SPATA13: variants seen among roughly 807,000 people sequenced by gnomAD.
SPATA13 encodes the protein spermatogenesis-associated protein 13.
SPATA13 carries 50 observed loss-of-function variants against 104.0 expected under a neutral mutation model. The observed-to-expected ratio is 0.48, with a 90% CI of 0.38 to 0.61. The LOEUF (loss-of-function observed/expected upper bound fraction) is 0.61. Among genes scored for constraint, SPATA13 ranks in the 20% least tolerant of loss-of-function variants. The pLI, the probability that SPATA13 is intolerant of heterozygous loss-of-function variation, is 0.00. For synonymous variants in SPATA13, 606 were observed against 667.5 expected, an observed-to-expected ratio of 0.91 and a Z score of 1.42; for missense variants, 1,524 against 1,690.6, an observed-to-expected ratio of 0.90 and a Z score of 1.73.
chr13:24,194,552 A>C (rs1171517780), intron 1 of SPATA13, among the ~76,000 whole-genome samples: 1 of 152,124 alleles, frequency 6.6e-6, no homozygotes, highest in South Asian at 2.1e-4. Flanking sequence ...ACAACTTCTG[A>C]ATCCGTAACA....
At chr13:24,122,200 A>G (rs1881051513) in intron 3 of SPATA13, 7 of 1,478,292 alleles carry the variant, frequency 4.7e-6, no homozygotes, top group Non-Finnish European at 5.7e-6. Flanking sequence ...GCATTGCTAT[A>G]TACTGTAACT....
chr13:24,215,298 A>AG (rs1199303470), intron 1 of SPATA13, among the ~76,000 whole-genome samples: 1 of 152,234 alleles, frequency 6.6e-6, no homozygotes, highest in Non-Finnish European at 1.5e-5. Flanking sequence ...TTCAATTAGA[A>AG]GACAGTTTAA....
intron 3 of SPATA13, among the ~76,000 whole-genome samples, chr13:24,140,278 C>T (rs1478423051): frequency 6.6e-6 from 1 of 152,112 alleles, no homozygotes; most frequent in South Asian, 2.1e-4. Flanking sequence ...GTGAACACCA[C>T]GGTGGGTTCT....
chr13:24,233,370 A>G (rs1254199054), intron 2 of SPATA13, among the ~76,000 whole-genome samples: 1 of 152,212 alleles, frequency 6.6e-6, no homozygotes, highest in African/African-American at 2.4e-5. Context: ...CATGCAACAG[A>G]TATCTTCTCT....
intron 2 of SPATA13, among the ~76,000 whole-genome samples, chr13:24,228,342 C>G (rs1872071927): frequency 6.6e-6 from 1 of 151,908 alleles, no homozygotes; most frequent in Admixed American, 6.6e-5. Context: ...GTGTCGATCT[C>G]CTGACCTCGT....
rs1878350703 is a variant in SPATA13, at chr13:24,051,779, G to T, written c.-112+34078G>T. ...GTCAGAGGCAGCAGTGCTATCAAAA[G>T]TCTAGGCTGCAAGAGCCTGCTAAGA... On this transcript the variant is annotated intron_variant, in intron 3 of 14. Transcript: ENST00000424834. This position sits in a 1 kb window ranked among gnomAD's most constrained non-coding sequence, Gnocchi z 4.2. 6.6e-6 allele frequency among the ~76,000 whole-genome samples: 1 copy of T among 152,166 alleles called. No homozygotes were observed. The highest frequency in any genetic ancestry group is 1.5e-5 in the Non-Finnish European group (1 of 68,024).
chr13:24,228,504 C>G (rs1470917197), intron 2 of SPATA13, among the ~76,000 whole-genome samples: 1 of 152,098 alleles, frequency 6.6e-6, no homozygotes, highest in East Asian at 1.9e-4. Flanking sequence ...TGGGAATGTT[C>G]GGTGTTACTT....
At chr13:24,153,746 G>C (rs1375285797) in intron 3 of SPATA13, among the ~76,000 whole-genome samples, 1 of 152,174 alleles carries the variant, frequency 6.6e-6, no homozygotes, top group Non-Finnish European at 1.5e-5. Context: ...TAAAAGAGGA[G>C]GTCATTTTGA....
At chr13:24,122,949 G>T in intron 3 of SPATA13, 1 of 781,276 alleles carries the variant, frequency 1.3e-6, no homozygotes, top group Non-Finnish European at 2.4e-6. Context: ...ACTAAGAAGC[G>T]TGTCAGGTGT....
intron 1 of SPATA13, among the ~76,000 whole-genome samples, chr13:24,208,222 T>C (rs1443717086): frequency 6.6e-6 from 1 of 152,180 alleles, no homozygotes; most frequent in African/African-American, 2.4e-5. Flanking sequence ...CCTCCCAGAA[T>C]AGTGACGGAA....
At chr13:23,995,521 C>T (rs190833294) in intron 2 of SPATA13, among the ~76,000 whole-genome samples, 3 of 152,254 alleles carry the variant, frequency 2.0e-5, no homozygotes, top group East Asian at 3.9e-4. Context: ...AATTGGCAGC[C>T]GTTTTTAGCT....
At chr13:24,016,263 T>C (rs958187148) in intron 2 of SPATA13, among the ~76,000 whole-genome samples, 9 of 152,126 alleles carry the variant, frequency 5.9e-5, no homozygotes, top group African/African-American at 1.9e-4. Flanking sequence ...TGCTCCATCC[T>C]CCAGGACGTG....
At chr13:24,269,187 G>A (rs900159308) in intron 4 of SPATA13, among the ~76,000 whole-genome samples, 22 of 152,104 alleles carry the variant, frequency 1.4e-4, no homozygotes, top group African/African-American at 5.3e-4. Flanking sequence ...ATTATTGATT[G>A]GTGCTGCAGT....
intron 3 of SPATA13, among the ~76,000 whole-genome samples, chr13:24,130,600 G>A (rs1486212519): frequency 6.6e-6 from 1 of 152,214 alleles, no homozygotes; most frequent in Non-Finnish European, 1.5e-5. Flanking sequence ...TTTAAAGGTG[G>A]CCAGCTTTAT....
chr13:23,998,117 G>GT (rs1875779642), intron 2 of SPATA13, among the ~76,000 whole-genome samples: 1 of 152,122 alleles, frequency 6.6e-6, no homozygotes, highest in Non-Finnish European at 1.5e-5. Context: ...TGATATGTAC[G>GT]TTTAACTTTT....
At chr13:24,122,806 G>T (rs1881081180) in intron 3 of SPATA13, 1 of 777,738 alleles carries the variant, frequency 1.3e-6, no homozygotes, top group African/African-American at 1.7e-5. Context: ...GACTCTCGTT[G>T]TCATGTCAAA....
intron 3 of SPATA13, among the ~76,000 whole-genome samples, chr13:24,105,046 T>C (rs1566104692): frequency 6.6e-6 from 1 of 152,214 alleles, no homozygotes. Context: ...AAGAAGTCAC[T>C]TGGTCTTCTG....
At chr13:23,995,898 A>G (rs1875665068) in intron 2 of SPATA13, among the ~76,000 whole-genome samples, 1 of 152,052 alleles carries the variant, frequency 6.6e-6, no homozygotes, top group Non-Finnish European at 1.5e-5. Context: ...CTGAGTACTA[A>G]TTGGACCCTG....
chr13:24,053,348 G>A (rs1199572930), intron 3 of SPATA13, among the ~76,000 whole-genome samples: 4 of 152,150 alleles, frequency 2.6e-5, no homozygotes, highest in Non-Finnish European at 5.9e-5. Context: ...ACTCTAGGCC[G>A]CTAAAACTTC....
Sources: allele counts gnomAD v4.1 joint callset (sites outside exome capture counted in the v4.1 genomes callset), GRCh38; gene constraint gnomAD v4.1.1; non-coding constraint Gnocchi (gnomAD v3.1); transcripts MANE v1.5; gene names NCBI Gene and HGNC (gene_info 2026-07-23, HGNC 2026-07-21).